NHSL2: variants seen among roughly 807,000 people sequenced by gnomAD.
NHSL2 encodes NHS like 2, also known as NHS-like protein 2.
Under a neutral mutation model 53.4 loss-of-function variants are expected in NHSL2, and 27 were observed. That is an observed-to-expected ratio of 0.51 (90% CI 0.37 to 0.70). The LOEUF is 0.70. Ranked by LOEUF, NHSL2 falls within the 30% of genes least tolerant of loss-of-function variation. The pLI is 0.00. For missense variants in NHSL2, 892 were observed against 980.1 expected, an observed-to-expected ratio of 0.91 and a Z score of 1.20; for synonymous variants, 408 against 404.1, an observed-to-expected ratio of 1.01 and a Z score of -0.12.
chrX:72,120,294 G>A, intron 1 of NHSL2, among the ~76,000 whole-genome samples: 1 of 112,402 alleles, frequency 8.9e-6, no homozygotes, highest in East Asian at 2.8e-4. Flanking sequence ...ATGTTTGGAA[G>A]AATTCACCAA....
At chrX:72,098,352 G>A (rs191609741) in intron 1 of NHSL2, among the ~76,000 whole-genome samples, 276 of 111,953 alleles carry the variant, frequency 2.5e-3, no homozygotes, top group Non-Finnish European at 3.8e-3. Context: ...AAGCCGAGAC[G>A]GGTGGATCAC....
In NHSL2 at chrX:71,988,876, C is replaced by T. The variant is rs190102269; in HGVS notation, c.280+77509C>T. On this transcript the variant is annotated intron_variant, in intron 1 of 7. Transcript: ENST00000633930. ...AATAGGAGAATGGCTACTCCATAGG[C>T]AGAGCAGTCTGTTTACCAATTTCTG... Among the ~76,000 whole-genome samples the T allele has an allele frequency of 3.2e-3, 364 of 112,060 alleles. 2 individuals carry two copies. Among genetic ancestry groups the T allele is most frequent in the African/African-American group, 0.011 (343 of 30,855 alleles).
Position 72,138,712 on chromosome X carries a change from C to G in NHSL2, c.1164C>G (p.Phe388Leu). 1.7e-6 allele frequency: 2 copies of G among 1,205,160 alleles called. No homozygotes were observed. The highest frequency in any genetic ancestry group is 5.9e-5 in the East Asian group (2 of 33,744). The change falls in exon 6 of 8, where the codon TTC (phenylalanine) becomes TTG (leucine). Residue 388 changes from phenylalanine to leucine, a missense_variant. By Grantham distance (22) the Phe-to-Leu change is conservative. Coordinates refer to ENST00000633930, the MANE Select transcript of NHSL2 (RefSeq NM_001013627.3). Reference sequence around the variant, plus strand: ...GCAATGGACCTACAGAATCAACCTTCTCCACTTCCTGGAAGGGAGATGCTT... The same window carrying G: ...GCAATGGACCTACAGAATCAACCTTGTCCACTTCCTGGAAGGGAGATGCTT... Reference protein sequence around the residue: ...SSCNGPTESTFSTSWKGDAFT... With the variant: ...SSCNGPTESTLSTSWKGDAFT...
At chrX:72,076,222 C>T (rs752653666) in intron 1 of NHSL2, among the ~76,000 whole-genome samples, 8 of 111,209 alleles carry the variant, frequency 7.2e-5, no homozygotes, top group East Asian at 2.8e-4. Context: ...TGTGAGCCAC[C>T]GAGCCCAGCC....
chrX:72,017,648 A>C (rs73634901), intron 1 of NHSL2, among the ~76,000 whole-genome samples: 5,184 of 112,111 alleles, frequency 0.046, 106 homozygotes, highest in African/African-American at 0.079. Context: ...TGGACACTGC[A>C]CCCAGATATC....
intron 1 of NHSL2, among the ~76,000 whole-genome samples, chrX:71,988,705 C>T (rs1413152723): frequency 1.8e-5 from 2 of 111,366 alleles, no homozygotes; most frequent in Non-Finnish European, 3.8e-5. Context: ...TCCTCAGTAT[C>T]GTTCCTTCAG....
At chrX:72,069,646 G>C in intron 1 of NHSL2, 1 of 929,508 alleles carries the variant, frequency 1.1e-6, no homozygotes, top group Non-Finnish European at 1.3e-6. Flanking sequence ...AGGAGGAGGA[G>C]GTGGCAGCGG....
intron 2 of NHSL2, 169 bp from the exon 3 acceptor site, chrX:72,133,922 A>G (rs2042331408): frequency 2.2e-6 from 1 of 452,301 alleles, no homozygotes; most frequent in Non-Finnish European, 3.8e-6. Context: ...CTGGGAAGCA[A>G]GCACTTTTCC....
In NHSL2 at chrX:71,910,880, G is replaced by C. The variant is rs1261798486; in HGVS notation, c.-208G>C. 2 of 233,940 alleles carry C rather than the reference G, an allele frequency of 8.5e-6. No homozygotes were observed. The highest frequency in any genetic ancestry group is 7.1e-5 in the Admixed American group (1 of 14,010). 19.3% of individuals were successfully genotyped at this position (233,940 alleles called of 1,213,427 possible). A position where few individuals can be genotyped will look rare whatever the true frequency, so the allele number is the denominator to read the frequency against. ...GTGGCTCCGGCGAGTGTGCAGCCCC[G>C]GGGGAGCCGGCGCTCTAGGCGAGGA... On this transcript the variant is annotated 5_prime_UTR_variant, in exon 1 of 8. Transcript: ENST00000633930.
chrX:72,077,772 C>G (rs1237057321), intron 1 of NHSL2, among the ~76,000 whole-genome samples: 1 of 112,563 alleles, frequency 8.9e-6, no homozygotes, highest in East Asian at 2.8e-4. Flanking sequence ...ATGACAAACT[C>G]AGGTATGTGT....
At chrX:72,102,943 G>C (rs1052875752) in intron 1 of NHSL2, among the ~76,000 whole-genome samples, 3 of 112,361 alleles carry the variant, frequency 2.7e-5, no homozygotes, top group Non-Finnish European at 3.8e-5. Flanking sequence ...CAAAAGCACA[G>C]TAGGAGTTGG....
At position 72,139,109 on chromosome X, in the gene NHSL2, G is replaced by A. The variant is rs755455486; in HGVS notation, c.1561G>A (p.Ala521Thr). 2.6e-6 allele frequency: 3 copies of A among 1,168,951 alleles called. No homozygotes were observed. The East Asian group carries it at 9.7e-5, about 38-fold the overall frequency. ...TGATGAGGAGCAGAAGGCCAATGAG[G>A]CCTGTGCCCTGCCTTTTGCCAGTAC... ...DYDEEQKANEACALPFASTSS... is the reference protein window; with the variant it reads ...DYDEEQKANETCALPFASTSS... Residue 521 changes from alanine (A) to threonine (T), a missense_variant, in exon 6 of 8, where the codon GCC becomes ACC. Coordinates refer to ENST00000633930, the MANE Select transcript of NHSL2 (RefSeq NM_001013627.3).
At chrX:72,054,725 T>C (rs2042358772) in intron 1 of NHSL2, among the ~76,000 whole-genome samples, 1 of 111,981 alleles carries the variant, frequency 8.9e-6, no homozygotes, top group Admixed American at 9.4e-5. Context: ...TTTTAATGCT[T>C]AGAAAGTCTT....
At chrX:72,018,696 A>C (rs1401881089) in intron 1 of NHSL2, among the ~76,000 whole-genome samples, 1 of 112,427 alleles carries the variant, frequency 8.9e-6, no homozygotes, top group East Asian at 2.9e-4. Context: ...GCTTGGAAGC[A>C]GCCGGGCCCC....
chrX:72,031,343 T>A (rs1402411366), intron 1 of NHSL2, among the ~76,000 whole-genome samples: 2 of 111,707 alleles, frequency 1.8e-5, no homozygotes, highest in African/African-American at 3.3e-5. Context: ...CTTGGGCAGG[T>A]CACTTAACCT....
Position 72,020,035 on chromosome X carries a change from C to T in NHSL2, c.280+108668C>T, listed in dbSNP as rs189224224. Among the ~76,000 whole-genome samples the T allele has an allele frequency of 2.6e-3, 292 of 112,339 alleles. 1 individual carries two copies. The highest frequency in any genetic ancestry group is 9.0e-3 in the African/African-American group (279 of 30,891). On this transcript the variant is annotated intron_variant, in intron 1 of 7. Coordinates refer to ENST00000633930, the MANE Select transcript of NHSL2 (RefSeq NM_001013627.3). ...ATCCTATCCCCATAGGATAAACTAT[C>T]TGCAGCACAAAAGTCAGCACTTACT...
chrX:72,055,243 G>A (rs904838658), intron 1 of NHSL2, among the ~76,000 whole-genome samples: 2 of 112,000 alleles, frequency 1.8e-5, no homozygotes, highest in African/African-American at 6.5e-5. Context: ...AAGTCACGCA[G>A]CCAACAGCCC....
At chrX:72,024,077 T>A (rs1222653688) in intron 1 of NHSL2, among the ~76,000 whole-genome samples, 1 of 111,907 alleles carries the variant, frequency 8.9e-6, no homozygotes, top group Non-Finnish European at 1.9e-5. Flanking sequence ...TTAGGGTCTC[T>A]TTCTGTTTCA....
chrX:71,918,213 A>G (rs2041638595), intron 1 of NHSL2, among the ~76,000 whole-genome samples: 1 of 111,091 alleles, frequency 9.0e-6, no homozygotes, highest in Non-Finnish European at 1.9e-5. Context: ...ATCCAGTTGC[A>G]CTCCAAAGCT....
Sources: allele counts gnomAD v4.1 joint callset (sites outside exome capture counted in the v4.1 genomes callset), GRCh38; gene constraint gnomAD v4.1.1; transcripts MANE v1.5; gene names NCBI Gene and HGNC (gene_info 2026-07-23, HGNC 2026-07-21).